PRSS50: variants seen among roughly 807,000 people sequenced by gnomAD.
PRSS50 encodes serine protease 50, also known as probable threonine protease PRSS50.
Under a neutral mutation model 34.2 loss-of-function variants are expected in PRSS50, and 23 were observed. That is an observed-to-expected ratio of 0.67 (90% CI 0.48 to 0.95). The LOEUF is 0.95. Ranked by LOEUF, PRSS50 falls within the 40% of genes least tolerant of loss-of-function variation. The probability of loss-of-function intolerance (pLI) is 0.00; values close to 1 mark genes in which losing one functional copy is unlikely to be tolerated. For missense variants in PRSS50, 484 were observed against 513.4 expected (o/e 0.94, Z 0.55); for synonymous variants, 224 against 211.2 (o/e 1.06, Z -0.53).
Position 46,714,211 on chromosome 3 carries a change from G to A in PRSS50, c.754+7C>T, listed in dbSNP as rs752087635. The A allele has an allele frequency of 6.2e-7, 1 of 1,612,748 alleles. No homozygotes were observed. Among genetic ancestry groups the A allele is most frequent in the Non-Finnish European group, 8.5e-7 (1 of 1,179,056 alleles). On this transcript the variant is annotated splice_region_variant and intron_variant, in intron 4 of 5. Coordinates refer to ENST00000315170, the MANE Select transcript of PRSS50 (RefSeq NM_013270.5). ...ACCCGCCCTGGTCTGCAGAGGCTTT[G>A]ACTCACCGTCAGCCTTGGAAAGTCC...
intron 4 of PRSS50, 36 bp downstream of exon 4, chr3:46,714,182 C>G: frequency 6.3e-7 from 1 of 1,595,142 alleles, no homozygotes; most frequent in Non-Finnish European, 8.6e-7. Context: ...TCCTTTCTCA[C>G]AGCACCCGCC....
rs773675264 is a variant in PRSS50 at position 46,717,641 on chromosome 3, C to T, written c.107-4G>A. ...GCTTCCCCTGCGCCCCAGCAACCTG[C>T]GGAGGACGTCGAGCGGATTAGAGGT... On this transcript the variant is annotated splice_region_variant and splice_polypyrimidine_tract_variant and intron_variant, in intron 1 of 5. Coordinates refer to ENST00000315170, the MANE Select transcript of PRSS50 (RefSeq NM_013270.5). The surrounding 1 kb of genome is among the most constrained non-coding windows in gnomAD (Gnocchi z 4.5). 6.2e-7 allele frequency: 1 copy of T among 1,611,830 alleles called. No individual in the cohort carries two copies. The highest frequency in any genetic ancestry group is 1.1e-5 in the South Asian group (1 of 90,834).
At chr3:46,712,862 G>C (rs767724481) in intron 5 of PRSS50, 39 bp downstream of exon 5, 5 of 1,603,332 alleles carry the variant, frequency 3.1e-6, no homozygotes, top group Non-Finnish European at 4.3e-6. Flanking sequence ...TCTCCCCCAG[G>C]TGCCCCTGAA....
In PRSS50 at chr3:46,717,195, T is replaced by C. The variant is rs1700694537; in HGVS notation, c.307+242A>G. 6.6e-6 allele frequency among the ~76,000 whole-genome samples: 1 copy of C among 152,090 alleles called. No individual in the cohort carries two copies. Among genetic ancestry groups the C allele is most frequent in the South Asian group, 2.1e-4 (1 of 4,824 alleles). On this transcript the variant is annotated intron_variant, in intron 2 of 5. Transcript: ENST00000315170. The surrounding 1 kb of genome is among the most constrained non-coding windows in gnomAD (Gnocchi z 4.5). ...ACAGCCGGCCCCAGGCCCCTCTGAC[T>C]TTCCTGCCCCCTACCTCAGCAGGAG...
chr3:46,716,060 C>T lies in PRSS50; in HGVS notation c.308-363G>A, dbSNP rs1440269241. Among the ~76,000 whole-genome samples the T allele has an allele frequency of 6.6e-6, 1 of 152,196 alleles. No homozygotes were observed. Among genetic ancestry groups the T allele is most frequent in the Non-Finnish European group, 1.5e-5 (1 of 68,040 alleles). On this transcript the variant is annotated intron_variant, in intron 2 of 5. Coordinates refer to ENST00000315170, the MANE Select transcript of PRSS50 (RefSeq NM_013270.5). The surrounding 1 kb of genome is among the most constrained non-coding windows in gnomAD (Gnocchi z 4.4). ...GGTTCCACCCTCACCATGTCCCCTACTTCAGCCAAGGCAGAGCTCTCTCCC... is the reference window on the plus strand; with the variant it reads ...GGTTCCACCCTCACCATGTCCCCTATTTCAGCCAAGGCAGAGCTCTCTCCC...
intron 3 of PRSS50, 25 bp from the exon 4 acceptor site, chr3:46,714,526 A>AT (rs758692249): frequency 9.7e-6 from 15 of 1,538,518 alleles, no homozygotes; most frequent in Middle Eastern, 2.1e-4. Flanking sequence ...AGGGGAGGCC[A>AT]TGATCAGCTC....
intron 4 of PRSS50, among the ~76,000 whole-genome samples, chr3:46,713,653 G>A (rs1349941329): frequency 1.3e-5 from 2 of 152,232 alleles, no homozygotes; most frequent in African/African-American, 4.8e-5. Flanking sequence ...TCTCTTATGG[G>A]CTGGGGACCC....
Position 46,715,577 on chromosome 3 carries a change from A to G in PRSS50, c.428T>C (p.Ile143Thr), listed in dbSNP as rs372881326. Reference sequence around the variant, plus strand: ...CACAGTCAGCACCCACTGGGAGGCAATGATGGTGCCGGCACAGATGTGTGT... The same window carrying G: ...CACAGTCAGCACCCACTGGGAGGCAGTGATGGTGCCGGCACAGATGTGTGT... ...NGTHICAGTIIASQWVLTVAH... is the reference protein window; with the variant it reads ...NGTHICAGTITASQWVLTVAH... Residue 143 changes from isoleucine (I) to threonine (T), a missense_variant, in exon 3 of 6, where the codon ATT becomes ACT. Physicochemically the swap from Ile to Thr is moderately conservative, Grantham distance 89 (BLOSUM62 -1). Coordinates refer to ENST00000315170, the MANE Select transcript of PRSS50 (RefSeq NM_013270.5). This position sits in a 1 kb window ranked among gnomAD's most constrained non-coding sequence, Gnocchi z 5.2. 1.1e-5 allele frequency: 18 copies of G among 1,613,686 alleles called. No homozygotes were observed. The highest frequency in any genetic ancestry group is 1.4e-5 in the Non-Finnish European group (16 of 1,179,818).
Position 46,717,817 on chromosome 3 carries a change from C to A in PRSS50, c.8G>T (p.Arg3Leu), listed in dbSNP as rs779366366. The A allele has an allele frequency of 3.2e-5, 48 of 1,518,394 alleles. No individual in the cohort carries two copies. The South Asian group carries it at 5.0e-4, about 16-fold the overall frequency. 94.1% of individuals were successfully genotyped at this position (1,518,394 alleles called of 1,614,324 possible). The change falls in exon 1 of 6, where the codon CGC becomes CTC. Residue 3 changes from arginine to leucine, a missense_variant. Arg to Leu is a moderately radical substitution (Grantham distance 102, BLOSUM62 -2). Transcript: ENST00000315170. The surrounding 1 kb of genome is among the most constrained non-coding windows in gnomAD (Gnocchi z 4.5). MGRWCQTVARGQR... is the reference protein window; with the variant it reads MGLWCQTVARGQR... ...CCCGCGCGCGACGGTCTGGCACCAG[C>A]GACCCATCCCGGGGTGGCAGCCGAC... is the stretch of plus-strand genomic sequence containing the variant.
At position 46,715,060 on chromosome 3, in the gene PRSS50, A is replaced by T. The variant is rs1700662354; in HGVS notation, c.470+475T>A. ...TCCCTCTTTTGTCCCCACACCAACCAGGCACCCTTGTGAGCATCTATCTTC... is the reference window on the plus strand; with the variant it reads ...TCCCTCTTTTGTCCCCACACCAACCTGGCACCCTTGTGAGCATCTATCTTC... On this transcript the variant is annotated intron_variant, in intron 3 of 5. Transcript: ENST00000315170. This position sits in a 1 kb window ranked among gnomAD's most constrained non-coding sequence, Gnocchi z 5.2. Among the ~76,000 whole-genome samples, 1 of 152,178 alleles carries T rather than the reference A, an allele frequency of 6.6e-6. No individual in the cohort carries two copies. Among genetic ancestry groups the T allele is most frequent in the African/African-American group, 2.4e-5 (1 of 41,428 alleles).
intron 5 of PRSS50, 37 bp from the exon 6 acceptor site, chr3:46,712,519 C>A: frequency 6.3e-7 from 1 of 1,595,194 alleles, no homozygotes; most frequent in Non-Finnish European, 8.6e-7. Context: ...GTCAGGGAGG[C>A]CAGGCAAGGC....
chr3:46,714,393 C>T lies in PRSS50; in HGVS notation c.579G>A (p.Arg193=), dbSNP rs1700654742. The T allele has an allele frequency of 6.2e-7, 1 of 1,613,454 alleles. No individual in the cohort carries two copies. Among genetic ancestry groups the T allele is most frequent in the South Asian group, 1.1e-5 (1 of 90,968 alleles). The change falls in exon 4 of 6, where the codon CGG becomes CGA. Residue 193 remains arginine, a synonymous_variant. Transcript: ENST00000315170. ...CCACCCAGGACCAGAACCGCTGGGC[C>T]CGGTACCTGCTATGCATGATGACCT... ...VLQVIMHSRY[R]AQRFWSWVGQ... is the part of the protein sequence containing the mutation.
chr3:46,713,899 T>A (rs980596869), intron 4 of PRSS50, among the ~76,000 whole-genome samples: 1 of 152,248 alleles, frequency 6.6e-6, no homozygotes, highest in African/African-American at 2.4e-5. Flanking sequence ...AAGCTGCCGA[T>A]GCCTGGGCAG....
rs770494012 is a variant in PRSS50 at position 46,712,392 on chromosome 3, C to T, written c.1012G>A (p.Glu338Lys). 19 of 1,613,768 alleles carry T rather than the reference C, an allele frequency of 1.2e-5. No homozygotes were observed. Among genetic ancestry groups the T allele is most frequent in the African/African-American group, 2.7e-5 (2 of 74,834 alleles). ...VSWGAGCQKS[E>K]APPIYLQVSS... ...ACCTGTAGGTAGATGGGTGGGGCCT[C>T]GCTCTTCTGGCAGCCTGCACCCCAG... The change falls in exon 6 of 6, where the codon GAG becomes AAG. Residue 338 changes from glutamate (E) to lysine (K), a missense_variant. Glu to Lys is a moderately conservative substitution (Grantham distance 56). Coordinates refer to ENST00000315170, the MANE Select transcript of PRSS50 (RefSeq NM_013270.5).
In PRSS50 at chr3:46,715,680, CGTAGGAAA is replaced by C. The variant is rs1559498927; in HGVS notation, c.317_324del (p.Phe106Ter). On this transcript the variant is annotated frameshift_variant, in exon 3 of 6. Coordinates refer to ENST00000315170, the MANE Select transcript of PRSS50 (RefSeq NM_013270.5). LOFTEE classifies it high-confidence loss of function. This position sits in a 1 kb window ranked among gnomAD's most constrained non-coding sequence, Gnocchi z 5.2. Reference sequence around the variant, plus strand: ...GGGTCCCTGAGGGTGGGGTCCTGCTCGTAGGAAAAGCCACAGGCTGAGGAGGAAGGTGA... The same window carrying C: ...GGGTCCCTGAGGGTGGGGTCCTGCTCAGCCACAGGCTGAGGAGGAAGGTGA... The C allele has an allele frequency of 6.2e-7, 1 of 1,604,496 alleles. No homozygotes were observed. Among genetic ancestry groups the C allele is most frequent in the Non-Finnish European group, 8.5e-7 (1 of 1,175,088 alleles).
Position 46,715,740 on chromosome 3 carries a change from C to A in PRSS50, c.308-43G>T. 6.6e-7 allele frequency: 1 copy of A among 1,524,290 alleles called. No homozygotes were observed. The allele number at this position is 1,524,290 out of a possible 1,614,324, so 94.4% of individuals were successfully genotyped here. A position where few individuals can be genotyped will look rare whatever the true frequency, so the allele number is the denominator to read the frequency against. On this transcript the variant is annotated intron_variant, in intron 2 of 5. Transcript: ENST00000315170. This position sits in a 1 kb window ranked among gnomAD's most constrained non-coding sequence, Gnocchi z 5.2. ...AGCTTGATGAGGGATGGATCTTTCC[C>A]TGTCCCTCCCCTCCCCCAGCCTGAC...
rs1700691634 is a variant in PRSS50, at chr3:46,716,894, T to G, written c.307+543A>C. On this transcript the variant is annotated intron_variant, in intron 2 of 5. Transcript: ENST00000315170. This position sits in a 1 kb window ranked among gnomAD's most constrained non-coding sequence, Gnocchi z 4.4. ...AGCACAGGGTACTGGAAGTCCTGTT[T>G]GGGTGACTTTCTGTGGCAGTTAAAT... is the stretch of plus-strand genomic sequence containing the variant. 6.6e-6 allele frequency among the ~76,000 whole-genome samples: 1 copy of G among 152,234 alleles called. No individual in the cohort carries two copies. The highest frequency in any genetic ancestry group is 1.5e-5 in the Non-Finnish European group (1 of 68,042).
At position 46,714,477 on chromosome 3, in the gene PRSS50, CCTCA is replaced by C; in HGVS notation, c.491_494del (p.Val164GlyfsTer10). 1 of 1,603,314 alleles carries C rather than the reference CCTCA, an allele frequency of 6.2e-7. No homozygotes were observed. Among genetic ancestry groups the C allele is most frequent in the Non-Finnish European group, 8.5e-7 (1 of 1,176,088 alleles). On this transcript the variant is annotated frameshift_variant, in exon 4 of 6. Coordinates refer to ENST00000315170, the MANE Select transcript of PRSS50 (RefSeq NM_013270.5). LOFTEE classifies it high-confidence loss of function. Reference sequence around the variant, plus strand: ...TCTGGTCAATCCACGGACTCCCCACCCTCACTGAGTAGATAACATCACGCCTAGG... The same window carrying C: ...TCTGGTCAATCCACGGACTCCCCACCCTGAGTAGATAACATCACGCCTAGG...
chr3:46,717,656 G>T lies in PRSS50; in HGVS notation c.107-19C>A. On this transcript the variant is annotated intron_variant, in intron 1 of 5. Coordinates refer to ENST00000315170, the MANE Select transcript of PRSS50 (RefSeq NM_013270.5). This position sits in a 1 kb window ranked among gnomAD's most constrained non-coding sequence, Gnocchi z 4.5. ...CAGCAACCTGCGGAGGACGTCGAGC[G>T]GATTAGAGGTGGAAGGCGAGGGCCG... The T allele has an allele frequency of 1.9e-6, 3 of 1,610,004 alleles. No individual in the cohort carries two copies. Among genetic ancestry groups the T allele is most frequent in the Non-Finnish European group, 2.5e-6 (3 of 1,178,284 alleles).
Sources: allele counts gnomAD v4.1 joint callset (sites outside exome capture counted in the v4.1 genomes callset), GRCh38; gene constraint gnomAD v4.1.1; non-coding constraint Gnocchi (gnomAD v3.1); transcripts MANE v1.5; gene names NCBI Gene and HGNC (gene_info 2026-07-23, HGNC 2026-07-21).